The following KRT7 variants were observed in gnomAD, a reference collection of about 807,000 sequenced individuals.
KRT7 encodes keratin 7, also known as keratin, type II cytoskeletal 7.
KRT7 carries 50 observed loss-of-function variants against 42.8 expected under a neutral mutation model. That is an observed-to-expected ratio of 1.17 (90% CI 0.93 to 1.48). The LOEUF (loss-of-function observed/expected upper bound fraction) is 1.48. Among genes scored for constraint, KRT7 ranks in the 40% most tolerant of loss-of-function variants. KRT7 has a pLI of 0.00. For missense variants in KRT7, 588 were observed against 637.6 expected, an observed-to-expected ratio of 0.92 and a Z score of 0.84; for synonymous variants, 268 against 266.3, an observed-to-expected ratio of 1.01 and a Z score of -0.06.
rs10546862 is a variant in KRT7 at position 52,237,726 on chromosome 12, ATGTGTGTGTG to A, written c.597+184_597+193del. On this transcript the variant is annotated intron_variant, in intron 3 of 8. Coordinates refer to ENST00000331817, the MANE Select transcript of KRT7 (RefSeq NM_005556.4). ...CACAGCCTGTCCTGTGGGTGCGTGTATGTGTGTGTGTGTGTGTGTGTGTGTGTGTGTGTGT... is the reference window on the plus strand; with the variant it reads ...CACAGCCTGTCCTGTGGGTGCGTGTATGTGTGTGTGTGTGTGTGTGTGTGT... The A allele has an allele frequency of 5.0e-4, 172 of 346,392 alleles. 2 individuals carry two copies. The highest frequency in any genetic ancestry group is 3.2e-3 in the South Asian group (44 of 13,770). The allele number at this position is 346,392 out of a possible 1,614,324, so 21.5% of individuals were successfully genotyped here.
downstream of KRT7, chr12:52,254,171 C>T (rs908408481): frequency 1.2e-5 from 6 of 516,806 alleles, no homozygotes; most frequent in Non-Finnish European, 2.2e-5. Flanking sequence ...GGTTTCTCCC[C>T]TTGTCCCACC....
chr12:52,237,721 CGTGTATGTGT>C (rs1351045693), intron 3 of KRT7, 152 bp downstream of exon 3: 8 of 322,972 alleles, frequency 2.5e-5, no homozygotes, highest in African/African-American at 2.4e-4. Flanking sequence ...CCTGTGGGTG[CGTGTATGTGT>C]GTGTGTGTGT....
At chr12:52,250,651 G>C (rs1029143763), downstream of KRT7, 24 of 696,404 alleles carry the variant, frequency 3.4e-5, 1 homozygote, top group East Asian at 2.9e-4. Flanking sequence ...CCTGCCAGAG[G>C]GGGAGGACAG....
chr12:52,238,564 A>G, intron 3 of KRT7, 116 bp from the exon 4 acceptor site: 1 of 689,326 alleles, frequency 1.5e-6, no homozygotes, highest in Non-Finnish European at 2.7e-6. Flanking sequence ...GTTTCTGGGT[A>G]GGGCAGTAGT....
chr12:52,253,131 G>GGGA, downstream of KRT7: 1 of 1,305,332 alleles, frequency 7.7e-7, no homozygotes, highest in Non-Finnish European at 1.1e-6. Flanking sequence ...CCACACACTG[G>GGGA]CAAGGGGTCT....
chr12:52,247,998 G>A, intron 7 of KRT7, 179 bp from the exon 8 acceptor site: 1 of 641,208 alleles, frequency 1.6e-6, no homozygotes, highest in Middle Eastern at 2.6e-4. Flanking sequence ...GGGCCAAGGT[G>A]AACACTCCCT....
chr12:52,247,420 C>T (rs1942191069), intron 7 of KRT7: 1 of 149,982 alleles, frequency 6.7e-6, no homozygotes, highest in Non-Finnish European at 1.5e-5. Flanking sequence ...GCTTCCTGGG[C>T]TTGGGGCCGC....
intron 2 of KRT7, 24 bp from the exon 3 acceptor site, chr12:52,237,485 A>T: frequency 6.3e-7 from 1 of 1,585,958 alleles, no homozygotes; most frequent in African/African-American, 1.3e-5. Context: ...AGCTGCATCA[A>T]CACCAGGCCC....
chr12:52,253,076 A>T (rs1369067266), downstream of KRT7: 2 of 821,964 alleles, frequency 2.4e-6, no homozygotes, highest in Non-Finnish European at 4.1e-6. Flanking sequence ...AACGTTTTCC[A>T]TGGAGGAGGC....
chr12:52,243,152 C>T lies in KRT7; in HGVS notation c.984+15C>T. 6 of 1,602,642 alleles carry T rather than the reference C, an allele frequency of 3.7e-6. No homozygotes were observed. The highest frequency in any genetic ancestry group is 2.2e-5 in the East Asian group (1 of 44,446). On this transcript the variant is annotated intron_variant, in intron 6 of 8. Coordinates refer to ENST00000331817, the MANE Select transcript of KRT7 (RefSeq NM_005556.4). ...TCAAGAACCAGGTGGGACAAGTCCT[C>T]CTGGCTTCCCCTGCTACTTGGGGCA...
rs1423275578 is a variant in KRT7, at chr12:52,233,306, C to T, written c.10C>T (p.His4Tyr). The change falls in exon 1 of 9, where the codon CAC becomes TAC. Residue 4 changes from histidine to tyrosine, a missense_variant. Physicochemically the swap from His to Tyr is moderately conservative, Grantham distance 83. Transcript: ENST00000331817. ...TCCCGGCCCAGCCACCATGTCCATC[C>T]ACTTCAGCTCCCCGGTATTCACCTC... The part of the protein sequence containing the change: MSI[H>Y]FSSPVFTSRS... The T allele has an allele frequency of 6.4e-7, 1 of 1,560,468 alleles. No individual in the cohort carries two copies. The highest frequency in any genetic ancestry group is 8.6e-7 in the Non-Finnish European group (1 of 1,159,482).
rs1209017523 is a variant in KRT7, at chr12:52,235,220, G to A, written c.390G>A (p.Lys130=). 1.1e-5 allele frequency: 18 copies of A among 1,614,080 alleles called. No individual in the cohort carries two copies. The highest frequency in any genetic ancestry group is 1.4e-5 in the Non-Finnish European group (16 of 1,180,018). Residue 130 remains lysine (K), a synonymous_variant, in exon 2 of 9, where the codon AAG becomes AAA. Transcript: ENST00000331817. The part of the protein sequence containing the change: ...ETKWTLLQEQ[K]SAKSSRLPDI... Reference sequence around the variant, plus strand: ...AGTGGACGCTGCTGCAGGAGCAGAAGTCGGCCAAGAGCAGCCGCCTCCCAG... The same window carrying A: ...AGTGGACGCTGCTGCAGGAGCAGAAATCGGCCAAGAGCAGCCGCCTCCCAG...
At chr12:52,252,232 G>T, downstream of KRT7, 1 of 1,613,268 alleles carries the variant, frequency 6.2e-7, no homozygotes. Flanking sequence ...GAAACTGAGG[G>T]GACACCCTCC....
At chr12:52,241,716 C>G in intron 5 of KRT7, 80 bp downstream of exon 5, 1 of 1,286,434 alleles carries the variant, frequency 7.8e-7, no homozygotes, top group South Asian at 1.4e-5. Context: ...TTGTCTCAAG[C>G]CTTCAGGGCC....
At chr12:52,237,630 G>A in intron 3 of KRT7, 61 bp downstream of exon 3, 1 of 1,437,284 alleles carries the variant, frequency 7.0e-7, no homozygotes, top group Admixed American at 1.8e-5. Flanking sequence ...AGGACCACAG[G>A]ATCCTCTCAC....
chr12:52,244,056 A>G (rs1942133857), intron 6 of KRT7, among the ~76,000 whole-genome samples: 1 of 152,254 alleles, frequency 6.6e-6, no homozygotes, highest in Admixed American at 6.5e-5. Context: ...TGGCCAGGGC[A>G]GCTCAGCCTG....
In KRT7 at chr12:52,248,722, C is replaced by T. The variant is rs776966955; in HGVS notation, c.1372C>T (p.Arg458Trp). ...GPGLLKAYSI[R>W]TASASRRSAR... ...TGGGCTCCTGAAGGCTTATTCCATC[C>T]GGACCGCATCCGCCAGTCGCAGGAG... The change falls in exon 9 of 9, where the codon CGG becomes TGG. Residue 458 changes from arginine (R) to tryptophan (W), a missense_variant. By Grantham distance (101) the Arg-to-Trp change is moderately radical. Coordinates refer to ENST00000331817, the MANE Select transcript of KRT7 (RefSeq NM_005556.4). 2.4e-5 allele frequency: 39 copies of T among 1,603,350 alleles called. No individual in the cohort carries two copies. In the East Asian group the frequency reaches 5.6e-4, roughly 23 times the overall value.
chr12:52,236,201 C>G (rs1338019339), intron 2 of KRT7, among the ~76,000 whole-genome samples: 2 of 150,362 alleles, frequency 1.3e-5, no homozygotes, highest in South Asian at 4.3e-4. Context: ...TGGAGTGCCC[C>G]CCCCCAACAC....
chr12:52,250,920 C>G (rs946923383), downstream of KRT7, among the ~76,000 whole-genome samples: 2 of 152,236 alleles, frequency 1.3e-5, no homozygotes, highest in African/African-American at 4.8e-5. Context: ...ATACGCAAAC[C>G]TACATGTTGT....
Sources: gnomAD v4.1 joint callset for allele counts (sites outside exome capture counted in the v4.1 genomes callset) on GRCh38, gnomAD v4.1.1 for gene constraint, MANE v1.5 for transcripts, NCBI Gene and HGNC (gene_info 2026-07-23, HGNC 2026-07-21) for gene names.